GALNT2: variants seen among roughly 807,000 people sequenced by gnomAD.
The protein encoded by GALNT2 is UDP-GalNAc:polypeptide N-acetylgalactosaminyltransferase 2.
A neutral mutation model predicts 81.4 loss-of-function variants in GALNT2; 31 were observed. The observed-to-expected ratio is 0.38, with a 90% CI of 0.29 to 0.51. The LOEUF is 0.51. Among genes scored for constraint, GALNT2 ranks in the 20% least tolerant of loss-of-function variants. The pLI is 0.87. For synonymous variants in GALNT2, 303 were observed against 287.4 expected (o/e 1.05, Z -0.55); for missense variants, 629 against 765.7 (o/e 0.82, Z 2.11).
At chr1:230,083,316 G>T (rs961210068) in intron 1 of GALNT2, among the ~76,000 whole-genome samples, 7 of 147,100 alleles carry the variant, frequency 4.8e-5, no homozygotes, top group Admixed American at 4.7e-4. Flanking sequence ...ATGATGGAGT[G>T]GGGAGCGAGG....
intron 2 of GALNT2, among the ~76,000 whole-genome samples, chr1:230,190,021 A>G (rs1158742379): frequency 6.6e-6 from 1 of 152,172 alleles, no homozygotes; most frequent in Non-Finnish European, 1.5e-5. Flanking sequence ...TGTGAGGTGG[A>G]ACCGTGTGAC....
chr1:230,142,666 C>A (rs772390624), intron 1 of GALNT2, among the ~76,000 whole-genome samples: 3 of 152,148 alleles, frequency 2.0e-5, no homozygotes, highest in Non-Finnish European at 4.4e-5. Context: ...TTTGGTGAGT[C>A]TGGAAGTCTA....
chr1:230,192,585 T>C (rs1336545487), intron 2 of GALNT2, among the ~76,000 whole-genome samples: 1 of 152,224 alleles, frequency 6.6e-6, no homozygotes, highest in Non-Finnish European at 1.5e-5. Flanking sequence ...ATGAAGAATT[T>C]TCATTTCAAA....
At chr1:230,133,726 A>G (rs143474109) in intron 1 of GALNT2, among the ~76,000 whole-genome samples, 1 of 152,266 alleles carries the variant, frequency 6.6e-6, no homozygotes, top group African/African-American at 2.4e-5. Flanking sequence ...AAGTGCTGGG[A>G]TTACAGGCAT....
chr1:230,157,223 G>A (rs1448542662), intron 1 of GALNT2, among the ~76,000 whole-genome samples: 2 of 152,304 alleles, frequency 1.3e-5, no homozygotes, highest in Non-Finnish European at 1.5e-5. Flanking sequence ...GTGAACCATT[G>A]AGCATGATAC....
chr1:230,248,371 A>G (rs1665439692), intron 8 of GALNT2, among the ~76,000 whole-genome samples: 3 of 152,238 alleles, frequency 2.0e-5, no homozygotes, highest in African/African-American at 7.2e-5. Flanking sequence ...TTGGAAATGC[A>G]GCACCATGAG....
intron 1 of GALNT2, among the ~76,000 whole-genome samples, chr1:230,174,723 C>T (rs1340723723): frequency 1.3e-5 from 2 of 152,134 alleles, no homozygotes; most frequent in Non-Finnish European, 2.9e-5. Flanking sequence ...ACTGAAATGG[C>T]CTCCTGGGCT....
intron 2 of GALNT2, among the ~76,000 whole-genome samples, chr1:230,197,141 C>T (rs1488233084): frequency 6.6e-6 from 1 of 152,084 alleles, no homozygotes; most frequent in Non-Finnish European, 1.5e-5. Context: ...TGTCTCGCAT[C>T]TCCCCCTGCC....
At chr1:230,108,989 T>C (rs1660620352) in intron 1 of GALNT2, among the ~76,000 whole-genome samples, 1 of 152,234 alleles carries the variant, frequency 6.6e-6, no homozygotes, top group Admixed American at 6.5e-5. Flanking sequence ...AATAACAGGA[T>C]GAGATGTAGA....
intron 1 of GALNT2, among the ~76,000 whole-genome samples, chr1:230,082,693 A>G (rs567112155): frequency 1.2e-4 from 19 of 152,392 alleles, no homozygotes; most frequent in Admixed American, 6.5e-4. Context: ...GCCCCTGCTC[A>G]TAGGAAGTCA....
At chr1:230,107,928 GC>G (rs908479943) in intron 1 of GALNT2, among the ~76,000 whole-genome samples, 2 of 152,186 alleles carry the variant, frequency 1.3e-5, no homozygotes, top group African/African-American at 4.8e-5. Flanking sequence ...CAGCTTTGCA[GC>G]TGTGGGCACA....
At chr1:230,212,871 C>T (rs1027445121) in intron 3 of GALNT2, among the ~76,000 whole-genome samples, 2 of 151,978 alleles carry the variant, frequency 1.3e-5, no homozygotes, top group Non-Finnish European at 2.9e-5. Context: ...TATTTCAGGC[C>T]TTCTCTCTGT....
intron 3 of GALNT2, among the ~76,000 whole-genome samples, chr1:230,225,682 GT>G (rs1183189553): frequency 7.6e-4 from 105 of 137,512 alleles, no homozygotes; most frequent in South Asian, 1.9e-3. Flanking sequence ...GAGTTTTTTT[GT>G]TTTTTTTTTT....
chr1:230,225,108 A>T (rs1664667489), intron 3 of GALNT2, among the ~76,000 whole-genome samples: 1 of 152,216 alleles, frequency 6.6e-6, no homozygotes, highest in Non-Finnish European at 1.5e-5. Context: ...TAAACTCTGT[A>T]GCTATTAGGA....
chr1:230,091,242 T>G (rs1029791086), intron 1 of GALNT2, among the ~76,000 whole-genome samples: 17 of 44,680 alleles, frequency 3.8e-4, no homozygotes, highest in South Asian at 1.6e-3. Flanking sequence ...ATTTTTTGTA[T>G]TTTTTTTTTT....
chr1:230,231,474 G>A (rs910743106), intron 3 of GALNT2, among the ~76,000 whole-genome samples: 3 of 152,172 alleles, frequency 2.0e-5, no homozygotes, highest in African/African-American at 7.2e-5. Context: ...CCGTGAAACA[G>A]CCTTCTGTGT....
intron 1 of GALNT2, among the ~76,000 whole-genome samples, chr1:230,126,954 A>G (rs1661202023): frequency 6.6e-6 from 1 of 152,196 alleles, no homozygotes; most frequent in African/African-American, 2.4e-5. Context: ...CATTCCTGTA[A>G]AATTGCAACC....
chr1:230,078,708 C>T (rs1659639771), intron 1 of GALNT2, among the ~76,000 whole-genome samples: 1 of 152,234 alleles, frequency 6.6e-6, no homozygotes, highest in Non-Finnish European at 1.5e-5. Flanking sequence ...AGGATGAGCT[C>T]AGGCGGTCTG....
At position 230,240,147 on chromosome 1, in the gene GALNT2, TA is replaced by T. The variant is rs1030927926; in HGVS notation, c.608-3158del. The stretch of plus-strand genomic sequence containing the variant: ...GTTTCTTTCCATAGATTGGAGTTTT[TA>T]TTTAGCCCGAATAATTTTCTTTAGA... On this transcript the variant is annotated intron_variant, in intron 6 of 15. Transcript: ENST00000366672. 2.8e-4 allele frequency among the ~76,000 whole-genome samples: 42 copies of T among 152,262 alleles called. 1 individual carries two copies. The highest frequency in any genetic ancestry group is 9.6e-4 in the African/African-American group (40 of 41,476).
Sources: gnomAD v4.1 joint callset for allele counts (sites outside exome capture counted in the v4.1 genomes callset) on GRCh38, gnomAD v4.1.1 for gene constraint, MANE v1.5 for transcripts, NCBI Gene and HGNC (gene_info 2026-07-23, HGNC 2026-07-21) for gene names.